The following TNK2 variants were observed in gnomAD, a reference collection of about 807,000 sequenced individuals.
TNK2 encodes the protein activated CDC42 kinase 1.
A neutral mutation model predicts 101.8 loss-of-function variants in TNK2; 83 were observed. The ratio of observed to expected loss-of-function variants is 0.82; its 90% CI spans 0.68 to 0.98. The LOEUF is 0.98. Ranked by LOEUF, TNK2 falls within the 50% of genes least tolerant of loss-of-function variation. The pLI is 0.00. For synonymous variants in TNK2, 804 were observed against 633.0 expected, an observed-to-expected ratio of 1.27 and a Z score of -4.06; for missense variants, 1,665 against 1,483.2, an observed-to-expected ratio of 1.12 and a Z score of -2.01.
Position 195,878,617 on chromosome 3 carries a change from T to A in TNK2, c.1015-25A>T. 1.2e-6 allele frequency: 2 copies of A among 1,604,806 alleles called. No homozygotes were observed. The highest frequency in any genetic ancestry group is 1.7e-6 in the Non-Finnish European group (2 of 1,174,516). ...TCTGAAGGTGAGGAGGTGCAGAGTT[T>A]GACGACAAACAGAGCGCCCAGCCCT... On this transcript the variant is annotated intron_variant, in intron 7 of 15. Transcript: ENST00000672887. The surrounding 1 kb of genome is among the most constrained non-coding windows in gnomAD (Gnocchi z 4.7).
chr3:195,870,166 C>A lies in TNK2; in HGVS notation c.1491G>T (p.Leu497=). ...GCCGGGAGGTGCTCAGTTCCACGCT[C>A]AGGAGGTCGGGGGGGTCCATGGGGT... ...LGNPMDPPDL[L]SVELSTSRPP... The change falls in exon 11 of 16, where the codon CTG becomes CTT. Residue 497 remains leucine, a synonymous_variant. Transcript: ENST00000672887. 6.6e-7 allele frequency: 1 copy of A among 1,521,274 alleles called. No individual in the cohort carries two copies. The highest frequency in any genetic ancestry group is 8.9e-7 in the Non-Finnish European group (1 of 1,129,490). 94.2% of individuals were successfully genotyped at this position (1,521,274 alleles called of 1,614,324 possible). A position where few individuals can be genotyped will look rare whatever the true frequency, so the allele number is the denominator to read the frequency against.
At position 195,888,544 on chromosome 3, in the gene TNK2, G is replaced by A. The variant is rs150404773; in HGVS notation, c.45C>T (p.Ser15=). ...EGTGWLLELL[S]EVQLQQYFLR... is the part of the protein sequence containing the mutation. Reference sequence around the variant, plus strand: ...GGAAGTACTGTTGCAGCTGCACCTCGGACAGCAGCTCCAGCAGCCAGCCTG... The same window carrying A: ...GGAAGTACTGTTGCAGCTGCACCTCAGACAGCAGCTCCAGCAGCCAGCCTG... The change falls in exon 2 of 16, where the codon TCC becomes TCT. Residue 15 remains serine, a synonymous_variant. Transcript: ENST00000672887. This position sits in a 1 kb window ranked among gnomAD's most constrained non-coding sequence, Gnocchi z 5.3. 510 of 1,612,844 alleles carry A rather than the reference G, an allele frequency of 3.2e-4. No individual in the cohort carries two copies. The African/African-American group carries it at 5.7e-3, about 18-fold the overall frequency.
In TNK2 at chr3:195,882,641, T is replaced by G; in HGVS notation, c.610-313A>C. On this transcript the variant is annotated intron_variant, in intron 5 of 15. Transcript: ENST00000672887. This position sits in a 1 kb window ranked among gnomAD's most constrained non-coding sequence, Gnocchi z 4.2. ...GGGAGGCCGAGGTGGGTGGATCATTTGAGGTCAGGAGTTTGAGACCAGCCT... is the reference window on the plus strand; with the variant it reads ...GGGAGGCCGAGGTGGGTGGATCATTGGAGGTCAGGAGTTTGAGACCAGCCT... 4.7e-6 allele frequency: 4 copies of G among 855,252 alleles called. No homozygotes were observed. In the South Asian group the frequency reaches 5.9e-5, roughly 13 times the overall value. 53.0% of individuals were successfully genotyped at this position (855,252 alleles called of 1,614,324 possible).
chr3:195,867,311 G>T, intron 13 of TNK2, 47 bp from the exon 14 acceptor site: 1 of 1,610,506 alleles, frequency 6.2e-7, no homozygotes, highest in South Asian at 1.1e-5. Context: ...CACTGCTCCA[G>T]GCCCCTTGGG....
intron 6 of TNK2, chr3:195,879,632 C>T (rs1751280301): frequency 6.1e-6 from 1 of 164,806 alleles, no homozygotes; most frequent in Non-Finnish European, 1.3e-5. Context: ...TAGAAACAGT[C>T]ATACTGGCTT....
rs907712179 is a variant in TNK2 at position 195,896,397 on chromosome 3, C to T, written c.-18-7791G>A. ...GGAAGGTCACTAGGTGAGGCTCCCT[C>T]TACGGCCCACTCTCCTCACACAGCC... On this transcript the variant is annotated intron_variant, in intron 1 of 15. Transcript: ENST00000672887. 18 of 306,944 alleles carry T rather than the reference C, an allele frequency of 5.9e-5. No individual in the cohort carries two copies. The Admixed American group carries it at 7.0e-4, about 12-fold the overall frequency. The allele number at this position is 306,944 out of a possible 1,614,324, so 19.0% of individuals were successfully genotyped here.
At chr3:195,893,652 G>T (rs115716054) in intron 1 of TNK2, among the ~76,000 whole-genome samples, 48 of 151,878 alleles carry the variant, frequency 3.2e-4, no homozygotes, top group Non-Finnish European at 5.6e-4. Flanking sequence ...CCCTCGCTAC[G>T]GCCCCCAGAC....
chr3:195,877,342 C>G (rs1749981328), intron 9 of TNK2, among the ~76,000 whole-genome samples: 1 of 152,110 alleles, frequency 6.6e-6, no homozygotes, highest in Non-Finnish European at 1.5e-5. Context: ...CACAGCGGTG[C>G]AGGTCACACT....
chr3:195,885,287 G>C lies in TNK2; in HGVS notation c.235-254C>G. 7.8e-7 allele frequency: 1 copy of C among 1,279,588 alleles called. No homozygotes were observed. Among genetic ancestry groups the C allele is most frequent in the Non-Finnish European group, 1.0e-6 (1 of 962,264 alleles). The allele number at this position is 1,279,588 out of a possible 1,614,324, so 79.3% of individuals were successfully genotyped here. Reference sequence around the variant, plus strand: ...GAGACCGACAGGCATGCAGCCTGTGGCTGAGCGGCCCCACACCCAGCTGTG... The same window carrying C: ...GAGACCGACAGGCATGCAGCCTGTGCCTGAGCGGCCCCACACCCAGCTGTG... On this transcript the variant is annotated intron_variant, in intron 3 of 15. Transcript: ENST00000672887. This position sits in a 1 kb window ranked among gnomAD's most constrained non-coding sequence, Gnocchi z 4.7.
At chr3:195,868,829 C>A in intron 12 of TNK2, 120 bp from the exon 13 acceptor site, 1 of 1,261,694 alleles carries the variant, frequency 7.9e-7, no homozygotes, top group Non-Finnish European at 1.1e-6. Flanking sequence ...TCCCAACTCC[C>A]CCCGAGGTCT....
Position 195,885,441 on chromosome 3 carries a change from C to T in TNK2, c.235-408G>A. The T allele has an allele frequency of 7.6e-7, 1 of 1,323,958 alleles. No individual in the cohort carries two copies. Among genetic ancestry groups the T allele is most frequent in the African/African-American group, 1.5e-5 (1 of 67,450 alleles). 82.0% of individuals were successfully genotyped at this position (1,323,958 alleles called of 1,614,324 possible). On this transcript the variant is annotated intron_variant, in intron 3 of 15. Coordinates refer to ENST00000672887, the MANE Select transcript of TNK2 (RefSeq NM_001382273.1). The surrounding 1 kb of genome is among the most constrained non-coding windows in gnomAD (Gnocchi z 4.7). ...CATCGATGGAGCCGCAGGGGCCCTC[C>T]ACAGACACCTCCTTGTCCATTTTTA...
At chr3:195,890,562 C>T (rs1758010013) in intron 1 of TNK2, among the ~76,000 whole-genome samples, 1 of 151,006 alleles carries the variant, frequency 6.6e-6, no homozygotes, top group African/African-American at 2.4e-5. Flanking sequence ...GCAATTCTCC[C>T]GCCTCAGCCT....
chr3:195,873,572 G>A (rs910859099), intron 9 of TNK2, among the ~76,000 whole-genome samples: 2 of 152,296 alleles, frequency 1.3e-5, no homozygotes, highest in South Asian at 2.1e-4. Context: ...TGCTAGGGTG[G>A]ACACGTGTGG....
At chr3:195,864,435 G>A (rs1276358811) in intron 15 of TNK2, among the ~76,000 whole-genome samples, 1 of 152,198 alleles carries the variant, frequency 6.6e-6, no homozygotes, top group African/African-American at 2.4e-5. Context: ...CAAAGCCTAT[G>A]TGGATGCAAA....
chr3:195,883,532 C>A, intron 4 of TNK2: 2 of 539,338 alleles, frequency 3.7e-6, no homozygotes, highest in Non-Finnish European at 3.3e-6. Context: ...CCACACCTCC[C>A]CTTCCTGGGG....
chr3:195,890,973 G>A (rs1401040867), intron 1 of TNK2, among the ~76,000 whole-genome samples: 3 of 152,170 alleles, frequency 2.0e-5, no homozygotes, highest in East Asian at 1.9e-4. Context: ...GGTTACTAAC[G>A]TATTAGGATA....
chr3:195,891,807 C>G, intron 1 of TNK2: 3 of 492,740 alleles, frequency 6.1e-6, no homozygotes, highest in Non-Finnish European at 7.9e-6. Context: ...CAAAGCCATG[C>G]CCGGGGTGGT....
chr3:195,870,158 T>C lies in TNK2; in HGVS notation c.1499A>G (p.Glu500Gly), dbSNP rs1038998831. 3.6e-6 allele frequency: 5 copies of C among 1,399,038 alleles called. No individual in the cohort carries two copies. The highest frequency in any genetic ancestry group is 3.8e-6 in the Non-Finnish European group (4 of 1,055,886). 86.7% of individuals were successfully genotyped at this position (1,399,038 alleles called of 1,614,324 possible). A position where few individuals can be genotyped will look rare whatever the true frequency, so the allele number is the denominator to read the frequency against. ...PMDPPDLLSV[E>G]LSTSRPPQHL... ...CTGGGGGGGCCGGGAGGTGCTCAGTTCCACGCTCAGGAGGTCGGGGGGGTC... is the reference window on the plus strand; with the variant it reads ...CTGGGGGGGCCGGGAGGTGCTCAGTCCCACGCTCAGGAGGTCGGGGGGGTC... The change falls in exon 11 of 16, where the codon GAA (glutamate) becomes GGA (glycine). Residue 500 changes from glutamate (E) to glycine (G), a missense_variant. Around this residue, in one of 3 missense-constraint regions of TNK2, gnomAD observed 1,136 missense variants for 894.9 expected, o/e 1.27. Coordinates refer to ENST00000672887, the MANE Select transcript of TNK2 (RefSeq NM_001382273.1).
chr3:195,889,999 G>T (rs554140038), intron 1 of TNK2, among the ~76,000 whole-genome samples: 1 of 152,346 alleles, frequency 6.6e-6, no homozygotes, highest in East Asian at 1.9e-4. Context: ...TGGGCCCAGC[G>T]TGAGCCTCCT....
Sources: gnomAD v4.1 joint callset for allele counts (sites outside exome capture counted in the v4.1 genomes callset) on GRCh38, gnomAD v4.1.1 for gene constraint, gnomAD v4.1.1 regional missense constraint, Gnocchi (gnomAD v3.1) non-coding constraint, MANE v1.5 for transcripts, NCBI Gene and HGNC (gene_info 2026-07-23, HGNC 2026-07-21) for gene names.